The following SDCCAG8 variants were observed in gnomAD, a reference collection of about 807,000 sequenced individuals.
SDCCAG8 encodes the protein SHH signaling and ciliogenesis regulator SDCCAG8.
In SDCCAG8, 74 loss-of-function variants were observed where a neutral mutation model predicts 101.8. That is an observed-to-expected ratio of 0.73 (90% CI 0.60 to 0.88). The LOEUF (loss-of-function observed/expected upper bound fraction) is 0.88. Ranked by LOEUF, SDCCAG8 falls within the 40% of genes least tolerant of loss-of-function variation. The probability of loss-of-function intolerance (pLI) is 0.00; values close to 1 mark genes in which losing one functional copy is unlikely to be tolerated. For synonymous variants in SDCCAG8, 281 were observed against 292.9 expected (o/e 0.96, Z 0.41); for missense variants, 787 against 822.6 (o/e 0.96, Z 0.53).
chr1:243,461,656 T>C (rs1659130392), intron 16 of SDCCAG8, among the ~76,000 whole-genome samples: 2 of 152,218 alleles, frequency 1.3e-5, no homozygotes, highest in Non-Finnish European at 2.9e-5. Flanking sequence ...ATTTATTTCA[T>C]TGGAACCTTT....
intron 13 of SDCCAG8, among the ~76,000 whole-genome samples, chr1:243,414,571 A>T (rs1472752292): frequency 6.6e-6 from 1 of 152,072 alleles, no homozygotes; most frequent in Non-Finnish European, 1.5e-5. Context: ...GCATTGACCA[A>T]TTTTAATACA....
chr1:243,498,391 G>A (rs1345601799), intron 17 of SDCCAG8, among the ~76,000 whole-genome samples: 1 of 152,176 alleles, frequency 6.6e-6, no homozygotes, highest in African/African-American at 2.4e-5. Flanking sequence ...GTGGGCCCAG[G>A]AAATTGTCCA....
In SDCCAG8 at chr1:243,431,950, G is replaced by A. The variant is rs369773440; in HGVS notation, c.1985+5392G>A. Among the ~76,000 whole-genome samples, 8 of 152,212 alleles carry A rather than the reference G, an allele frequency of 5.3e-5. No individual in the cohort carries two copies. In the East Asian group the frequency reaches 9.6e-4, roughly 18 times the overall value. ...GTCTAAAGACATGCAGCTTCTGATC[G>A]AAGTGTAACAATCTAGTAATGAGTT... is the stretch of plus-strand genomic sequence containing the variant. On this transcript the variant is annotated intron_variant, in intron 16 of 17. Coordinates refer to ENST00000366541, the MANE Select transcript of SDCCAG8 (RefSeq NM_006642.5).
intron 16 of SDCCAG8, among the ~76,000 whole-genome samples, chr1:243,446,524 C>G (rs1378800014): frequency 2.0e-5 from 3 of 152,156 alleles, no homozygotes; most frequent in African/African-American, 7.2e-5. Context: ...CCTTGGCCTC[C>G]CATTGGGATT....
intron 16 of SDCCAG8, among the ~76,000 whole-genome samples, chr1:243,486,188 C>CAA (rs1664769623): frequency 2.1e-5 from 1 of 47,022 alleles, no homozygotes; most frequent in South Asian, 7.1e-4. Flanking sequence ...GCAACAAGAG[C>CAA]AAAACTCTGC....
intron 12 of SDCCAG8, among the ~76,000 whole-genome samples, chr1:243,364,514 G>T (rs1360672350): frequency 6.6e-6 from 1 of 152,140 alleles, no homozygotes; most frequent in Non-Finnish European, 1.5e-5. Flanking sequence ...GGGTAGGTAG[G>T]TAGGTAGAGA....
At chr1:243,381,038 C>T (rs191755872) in intron 13 of SDCCAG8, among the ~76,000 whole-genome samples, 176 of 151,958 alleles carry the variant, frequency 1.2e-3, no homozygotes, top group Middle Eastern at 6.8e-3. Flanking sequence ...CGTTCTTTTT[C>T]AGTGTAGATC....
At chr1:243,408,414 A>G (rs1318707387) in intron 13 of SDCCAG8, among the ~76,000 whole-genome samples, 4 of 152,198 alleles carry the variant, frequency 2.6e-5, no homozygotes, top group African/African-American at 7.2e-5. Context: ...AGGTGAATAT[A>G]TGTCTTCGAG....
intron 8 of SDCCAG8, among the ~76,000 whole-genome samples, chr1:243,313,170 C>T (rs2072915576): frequency 6.6e-6 from 1 of 152,192 alleles, no homozygotes; most frequent in Non-Finnish European, 1.5e-5. Flanking sequence ...TAAAAGACTA[C>T]AGCAGGAACT....
At chr1:243,355,165 C>T (rs906105190) in intron 12 of SDCCAG8, among the ~76,000 whole-genome samples, 2 of 152,170 alleles carry the variant, frequency 1.3e-5, no homozygotes, top group African/African-American at 4.8e-5. Flanking sequence ...ATTTGTTACA[C>T]TTACATTTAG....
chr1:243,472,882 C>T (rs1056695967), intron 16 of SDCCAG8, among the ~76,000 whole-genome samples: 1 of 152,158 alleles, frequency 6.6e-6, no homozygotes, highest in Non-Finnish European at 1.5e-5. Context: ...TTACCAAATT[C>T]CTTCATAAAT....
chr1:243,426,398 A>G, intron 15 of SDCCAG8, 29 bp from the exon 16 acceptor site: 1 of 1,596,838 alleles, frequency 6.3e-7, no homozygotes, highest in Non-Finnish European at 8.6e-7. Flanking sequence ...AACTTCTAAC[A>G]TCTATTATTT....
At chr1:243,288,522 T>C (rs1165206254) in intron 5 of SDCCAG8, among the ~76,000 whole-genome samples, 1 of 152,090 alleles carries the variant, frequency 6.6e-6, no homozygotes, top group African/African-American at 2.4e-5. Context: ...CATGGTGCTG[T>C]GTTACAAGTT....
At chr1:243,338,925 T>C (rs1399158573) in intron 10 of SDCCAG8, 1 of 153,466 alleles carries the variant, frequency 6.5e-6, no homozygotes, top group Non-Finnish European at 1.5e-5. Flanking sequence ...TGCCGTGTAA[T>C]GTTGACTTCC....
In SDCCAG8 at chr1:243,418,005, A is replaced by G; in HGVS notation, c.1782A>G (p.Thr594=). The change falls in exon 15 of 18, where the codon ACA becomes ACG. Residue 594 remains threonine (T), a synonymous_variant. Transcript: ENST00000366541. The part of the protein sequence containing the change: ...EQYLLLTSQN[T]FLTKLKEECC... ...ATTTGTTGCTGACCTCCCAGAATAC[A>G]TTTTTGACAAAGTTAAAGGAAGAAT... 1.9e-6 allele frequency: 3 copies of G among 1,613,060 alleles called. No individual in the cohort carries two copies. Among genetic ancestry groups the G allele is most frequent in the Non-Finnish European group, 1.7e-6 (2 of 1,179,252 alleles).
intron 1 of SDCCAG8, 99 bp downstream of exon 1, chr1:243,256,339 G>C: frequency 2.2e-6 from 2 of 924,378 alleles, no homozygotes; most frequent in Non-Finnish European, 3.6e-6. Flanking sequence ...GTTCTGCCCC[G>C]TCCACGCTAC....
intron 4 of SDCCAG8, among the ~76,000 whole-genome samples, chr1:243,276,138 C>T (rs112211574): frequency 0.024 from 3,662 of 152,000 alleles, 150 homozygotes; most frequent in African/African-American, 0.082. Context: ...CTGGAATTAC[C>T]GGTATGAGCC....
intron 12 of SDCCAG8, among the ~76,000 whole-genome samples, chr1:243,354,940 G>A (rs1163851386): frequency 1.3e-5 from 2 of 152,172 alleles, no homozygotes; most frequent in African/African-American, 2.4e-5. Context: ...GACAGACCAC[G>A]CTACAAAGAG....
chr1:243,496,452 A>G (rs1353354529), intron 17 of SDCCAG8, among the ~76,000 whole-genome samples: 1 of 152,220 alleles, frequency 6.6e-6, no homozygotes, highest in Non-Finnish European at 1.5e-5. Context: ...CTCTCCAGTT[A>G]CAAATGGATG....
Sources: allele counts gnomAD v4.1 joint callset (sites outside exome capture counted in the v4.1 genomes callset), GRCh38; gene constraint gnomAD v4.1.1; transcripts MANE v1.5; gene names NCBI Gene and HGNC (gene_info 2026-07-23, HGNC 2026-07-21).